The following NCDN variants were observed in gnomAD, a reference collection of about 807,000 sequenced individuals.
NCDN encodes neurochondrin, also known as norbin.
NCDN carries 9 observed loss-of-function variants against 60.7 expected under a neutral mutation model. The observed-to-expected ratio is 0.15, with a 90% confidence interval of 0.09 to 0.26. The LOEUF is 0.26. NCDN is among the 10% of genes least tolerant of loss of function. NCDN has a pLI of 1.00. For missense variants in NCDN, 578 were observed against 975.2 expected, an observed-to-expected ratio of 0.59 and a Z score of 5.42; for synonymous variants, 409 against 442.5, an observed-to-expected ratio of 0.92 and a Z score of 0.95.
In NCDN at chr1:35,565,521, T is replaced by C. The variant is rs1354811416; in HGVS notation, c.2048T>C (p.Met683Thr). 1 of 1,574,604 alleles carries C rather than the reference T, an allele frequency of 6.4e-7. No homozygotes were observed. The highest frequency in any genetic ancestry group is 1.9e-5 in the Admixed American group (1 of 53,212). Reference sequence around the variant, plus strand: ...AGCCCCAACTCTGTCAAGCCCGAGATGGTGGCCGCCTATCAGGGTGTCCTG... The same window carrying C: ...AGCCCCAACTCTGTCAAGCCCGAGACGGTGGCCGCCTATCAGGGTGTCCTG... ...SVSPNSVKPE[M>T]VAAYQGVLVE... Residue 683 changes from methionine (M) to threonine (T), a missense_variant, in exon 7 of 7, where the codon ATG becomes ACG. This residue lies in a region of NCDN where 191 missense variants were observed against 372.1 expected (regional missense o/e 0.51). Transcript: ENST00000373243. The surrounding 1 kb of genome is among the most constrained non-coding windows in gnomAD (Gnocchi z 8.9).
chr1:35,558,816 G>A lies in NCDN; in HGVS notation c.34-291G>A, dbSNP rs1648541068. 1.3e-6 allele frequency: 1 copy of A among 780,124 alleles called. No homozygotes were observed. Among genetic ancestry groups the A allele is most frequent in the South Asian group, 3.2e-5 (1 of 31,616 alleles). The allele number at this position is 780,124 out of a possible 1,614,324, so 48.3% of individuals were successfully genotyped here. ...GGGGCCAGCTCCCGCCCACCCCCAG[G>A]AGACTGGTGAGGAGAGCTGTCCGGC... On this transcript the variant is annotated intron_variant, in intron 1 of 6. Coordinates refer to ENST00000373243, the MANE Select transcript of NCDN (RefSeq NM_014284.3). This position sits in a 1 kb window ranked among gnomAD's most constrained non-coding sequence, Gnocchi z 6.3.
Position 35,562,355 on chromosome 1 carries a change from G to A in NCDN, c.1144-37G>A. The stretch of plus-strand genomic sequence containing the variant: ...CTCTGGCAAGGCAGGGAGGGTCCCT[G>A]GTCCTGCTCCATCTCAAGGGGGTCC... On this transcript the variant is annotated intron_variant, in intron 3 of 6. Transcript: ENST00000373243. The surrounding 1 kb of genome is among the most constrained non-coding windows in gnomAD (Gnocchi z 6.8). 6.2e-7 allele frequency: 1 copy of A among 1,603,220 alleles called. No homozygotes were observed. The highest frequency in any genetic ancestry group is 8.5e-7 in the Non-Finnish European group (1 of 1,172,850).
rs1648786691 is a variant in NCDN, at chr1:35,563,878, C to A, written c.1722C>A (p.Leu574=). 2 of 1,614,118 alleles carry A rather than the reference C, an allele frequency of 1.2e-6. No individual in the cohort carries two copies. The highest frequency in any genetic ancestry group is 4.5e-5 in the East Asian group (2 of 44,882). ...CTGCTAATGTGGCCACCCTGGGGCTCCTCATGGCCCGGCTCCTTAGCACCT... is the reference window on the plus strand; with the variant it reads ...CTGCTAATGTGGCCACCCTGGGGCTACTCATGGCCCGGCTCCTTAGCACCT... ...LLAANVATLG[L]LMARLLSTSP... The change falls in exon 6 of 7, where the codon CTC becomes CTA. Residue 574 remains leucine (L), a synonymous_variant. Coordinates refer to ENST00000373243, the MANE Select transcript of NCDN (RefSeq NM_014284.3). This position sits in a 1 kb window ranked among gnomAD's most constrained non-coding sequence, Gnocchi z 6.6.
chr1:35,560,550 T>C lies in NCDN; in HGVS notation c.399T>C (p.Leu133=). ...AAGTCCTGAACAAGATTCCCATTCT[T>C]AGCACCTTCCTCACAGCCCGGGGGG... is the stretch of plus-strand genomic sequence containing the variant. The part of the protein sequence containing the change: ...HPQVLNKIPI[L]STFLTARGDP... The change falls in exon 3 of 7, where the codon CTT becomes CTC. Residue 133 remains leucine (L), a synonymous_variant. Transcript: ENST00000373243. The surrounding 1 kb of genome is among the most constrained non-coding windows in gnomAD (Gnocchi z 7.6). The C allele has an allele frequency of 6.2e-7, 1 of 1,613,834 alleles. No homozygotes were observed. Among genetic ancestry groups the C allele is most frequent in the Non-Finnish European group, 8.5e-7 (1 of 1,180,042 alleles).
chr1:35,559,552 C>G (rs921752140), intron 2 of NCDN, among the ~76,000 whole-genome samples: 4 of 152,012 alleles, frequency 2.6e-5, no homozygotes, highest in Non-Finnish European at 5.9e-5. Flanking sequence ...GTGCAGAGTA[C>G]TTGAGGGCTG....
At position 35,558,858 on chromosome 1, in the gene NCDN, T is replaced by C. The variant is rs2148535707; in HGVS notation, c.34-249T>C. ...CTGTCCGGCTGAGCAGCAGCATGCA[T>C]GGTCCTTCTTTCCCGCTTTCTGGAG... On this transcript the variant is annotated intron_variant, in intron 1 of 6. Transcript: ENST00000373243. The surrounding 1 kb of genome is among the most constrained non-coding windows in gnomAD (Gnocchi z 6.3). Among the ~76,000 whole-genome samples, 1 of 152,244 alleles carries C rather than the reference T, an allele frequency of 6.6e-6. No individual in the cohort carries two copies. The highest frequency in any genetic ancestry group is 2.1e-4 in the South Asian group (1 of 4,830).
At chr1:35,559,730 T>G (rs556638765) in intron 2 of NCDN, among the ~76,000 whole-genome samples, 1 of 111,870 alleles carries the variant, frequency 8.9e-6, no homozygotes, top group Admixed American at 1.1e-4. Flanking sequence ...GAAGCTGCAG[T>G]GCTAGGAAGG....
chr1:35,566,394 C>T lies in NCDN; in HGVS notation c.*731C>T, dbSNP rs1359765909. The T allele has an allele frequency of 1.3e-5, 3 of 230,212 alleles. No homozygotes were observed. The highest frequency in any genetic ancestry group is 2.7e-5 in the Non-Finnish European group (3 of 113,006). The allele number at this position is 230,212 out of a possible 1,614,324, so 14.3% of individuals were successfully genotyped here. A position where few individuals can be genotyped will look rare whatever the true frequency, so the allele number is the denominator to read the frequency against. On this transcript the variant is annotated 3_prime_UTR_variant, in exon 7 of 7. Transcript: ENST00000373243. The surrounding 1 kb of genome is among the most constrained non-coding windows in gnomAD (Gnocchi z 5.3). ...TGGGGGGTTATTTATTTTGCCTGTC[C>T]TTATCCCTGCTTGGACACCTGAGCA...
At position 35,565,491 on chromosome 1, in the gene NCDN, G is replaced by A; in HGVS notation, c.2018G>A (p.Ser673Asn). ...CAGGAGCTGCTCCAGCTGCTAGGCAGTGTCAGCCCCAACTCTGTCAAGCCC... is the reference window on the plus strand; with the variant it reads ...CAGGAGCTGCTCCAGCTGCTAGGCAATGTCAGCCCCAACTCTGTCAAGCCC... ...WPQELLQLLG[S>N]VSPNSVKPEM... is the part of the protein sequence containing the mutation. The change falls in exon 7 of 7, where the codon AGT becomes AAT. Residue 673 changes from serine (S) to asparagine (N), a missense_variant. This residue lies in a region of NCDN where 191 missense variants were observed against 372.1 expected (regional missense o/e 0.51). Transcript: ENST00000373243. The surrounding 1 kb of genome is among the most constrained non-coding windows in gnomAD (Gnocchi z 8.9). 6.3e-7 allele frequency: 1 copy of A among 1,593,660 alleles called. No homozygotes were observed. Among genetic ancestry groups the A allele is most frequent in the Admixed American group, 1.8e-5 (1 of 56,002 alleles).
In NCDN at chr1:35,566,629, CCACACA is replaced by C. The variant is rs56974171; in HGVS notation, c.*1012_*1017del. The C allele has an allele frequency of 0.098, 26,294 of 269,142 alleles. 1,139 individuals are homozygous for C. Among genetic ancestry groups the C allele is most frequent in the East Asian group, 0.32 (3,077 of 9,576 alleles). The allele number at this position is 269,142 out of a possible 1,614,324, so 16.7% of individuals were successfully genotyped here. A position where few individuals can be genotyped will look rare whatever the true frequency, so the allele number is the denominator to read the frequency against. Reference sequence around the variant, plus strand: ...TACCTTTCTTATAAACCCAGGGGGACCACACACACACACACACACACACACACACAC... The same window carrying C: ...TACCTTTCTTATAAACCCAGGGGGACCACACACACACACACACACACACAC... On this transcript the variant is annotated 3_prime_UTR_variant, in exon 7 of 7. Coordinates refer to ENST00000373243, the MANE Select transcript of NCDN (RefSeq NM_014284.3). This position sits in a 1 kb window ranked among gnomAD's most constrained non-coding sequence, Gnocchi z 5.3.
In NCDN at chr1:35,558,131, G is replaced by A. The variant is rs953142736; in HGVS notation, c.-60G>A. On this transcript the variant is annotated 5_prime_UTR_variant, in exon 1 of 7. It adds an upstream start codon to the 5' untranslated region. Transcript: ENST00000373243. This position sits in a 1 kb window ranked among gnomAD's most constrained non-coding sequence, Gnocchi z 6.3. ...GTCGTGATTTTGACGTGATCTCTCC[G>A]TGACATCACCGCGCCATCGTGAAGT... The A allele has an allele frequency of 6.8e-6, 11 of 1,609,690 alleles. No homozygotes were observed. The highest frequency in any genetic ancestry group is 5.0e-5 in the Admixed American group (3 of 59,864).
Position 35,559,203 on chromosome 1 carries a change from C to T in NCDN, c.130C>T (p.Arg44Cys), listed in dbSNP as rs1474420854. The T allele has an allele frequency of 1.9e-6, 3 of 1,614,158 alleles. No homozygotes were observed. Among genetic ancestry groups the T allele is most frequent in the South Asian group, 1.1e-5 (1 of 91,084 alleles). The part of the protein sequence containing the change: ...PTLERYLGAL[R>C]EAKNDSEQFA... Reference sequence around the variant, plus strand: ...CCTGGAGCGCTACCTGGGAGCCCTCCGTGAGGCCAAGAATGACAGCGAGCA... The same window carrying T: ...CCTGGAGCGCTACCTGGGAGCCCTCTGTGAGGCCAAGAATGACAGCGAGCA... Residue 44 changes from arginine (R) to cysteine (C), a missense_variant, in exon 2 of 7, where the codon CGT (arginine) becomes TGT (cysteine). Physicochemically the swap from Arg to Cys is radical, Grantham distance 180. Transcript: ENST00000373243.
Position 35,563,657 on chromosome 1 carries a change from A to C in NCDN, c.1611-110A>C, listed in dbSNP as rs75396401. 3.0e-6 allele frequency: 4 copies of C among 1,324,048 alleles called. No individual in the cohort carries two copies. The highest frequency in any genetic ancestry group is 1.5e-5 in the African/African-American group (1 of 68,058). The allele number at this position is 1,324,048 out of a possible 1,614,324, so 82.0% of individuals were successfully genotyped here. ...TTCCAATCTCTGCCCCCCAGATGCT[A>C]TGTTTGGGGCCCAAAGTTAATCACC... On this transcript the variant is annotated intron_variant, in intron 5 of 6. Transcript: ENST00000373243. The surrounding 1 kb of genome is among the most constrained non-coding windows in gnomAD (Gnocchi z 6.6).
Position 35,563,081 on chromosome 1 carries a change from C to T in NCDN, c.1386-121C>T, listed in dbSNP as rs940293406. 4.3e-6 allele frequency: 4 copies of T among 940,414 alleles called. No homozygotes were observed. In the Admixed American group the frequency reaches 1.1e-4, roughly 27 times the overall value. 58.3% of individuals were successfully genotyped at this position (940,414 alleles called of 1,614,324 possible). A position where few individuals can be genotyped will look rare whatever the true frequency, so the allele number is the denominator to read the frequency against. On this transcript the variant is annotated intron_variant, in intron 4 of 6. Coordinates refer to ENST00000373243, the MANE Select transcript of NCDN (RefSeq NM_014284.3). The surrounding 1 kb of genome is among the most constrained non-coding windows in gnomAD (Gnocchi z 6.6). ...GAAGCTTGTACTTTTTCTGTGGTACCTGCGAGGATGTGTCCTTCTCCCCTA... is the reference window on the plus strand; with the variant it reads ...GAAGCTTGTACTTTTTCTGTGGTACTTGCGAGGATGTGTCCTTCTCCCCTA...
rs747840448 is a variant in NCDN at position 35,560,382 on chromosome 1, C to T, written c.231C>T (p.Phe77=). 9.3e-6 allele frequency: 15 copies of T among 1,613,936 alleles called. No individual in the cohort carries two copies. The highest frequency in any genetic ancestry group is 2.2e-5 in the East Asian group (1 of 44,888). Residue 77 remains phenylalanine, a synonymous_variant, in exon 3 of 7, where the codon TTC becomes TTT. Coordinates refer to ENST00000373243, the MANE Select transcript of NCDN (RefSeq NM_014284.3). This position sits in a 1 kb window ranked among gnomAD's most constrained non-coding sequence, Gnocchi z 7.6. ...DIDAKTRRRI[F]DAVGFTFPNR... is the part of the protein sequence containing the mutation. ...ATGCCAAAACTCGGCGGCGGATCTT[C>T]GATGCTGTCGGCTTCACCTTCCCCA...
Position 35,560,542 on chromosome 1 carries a change from C to A in NCDN, c.391C>A (p.Pro131Thr). Residue 131 changes from proline (P) to threonine (T), a missense_variant, in exon 3 of 7, where the codon CCC (proline) becomes ACC (threonine). By Grantham distance (38) the Pro-to-Thr change is conservative. This residue lies in a region of NCDN where 363 missense variants were observed against 583.6 expected (regional missense o/e 0.62). Coordinates refer to ENST00000373243, the MANE Select transcript of NCDN (RefSeq NM_014284.3). The surrounding 1 kb of genome is among the most constrained non-coding windows in gnomAD (Gnocchi z 7.6). ...AAHPQVLNKI[P>T]ILSTFLTARG... ...CCATCCCCAAGTCCTGAACAAGATT[C>A]CCATTCTTAGCACCTTCCTCACAGC... 1 of 1,613,878 alleles carries A rather than the reference C, an allele frequency of 6.2e-7. No individual in the cohort carries two copies. Among genetic ancestry groups the A allele is most frequent in the Non-Finnish European group, 8.5e-7 (1 of 1,180,046 alleles).
At position 35,557,873 on chromosome 1, in the gene NCDN, G is replaced by A; in HGVS notation, c.-318G>A. ...CTGGGAGAAGACTTCGCCGCTCGGGGCCGCAGCCTGGTGAGCTCAGCCCCC... is the reference window on the plus strand; with the variant it reads ...CTGGGAGAAGACTTCGCCGCTCGGGACCGCAGCCTGGTGAGCTCAGCCCCC... On this transcript the variant is annotated 5_prime_UTR_variant, in exon 1 of 7. Coordinates refer to ENST00000373243, the MANE Select transcript of NCDN (RefSeq NM_014284.3). The A allele has an allele frequency of 4.9e-6, 3 of 614,940 alleles. No homozygotes were observed. The highest frequency in any genetic ancestry group is 1.5e-5 in the South Asian group (1 of 65,034). 38.1% of individuals were successfully genotyped at this position (614,940 alleles called of 1,614,324 possible).
rs56974171 is a variant in NCDN, at chr1:35,566,629, C to CCACACACA, written c.*1010_*1017dup. On this transcript the variant is annotated 3_prime_UTR_variant, in exon 7 of 7. Coordinates refer to ENST00000373243, the MANE Select transcript of NCDN (RefSeq NM_014284.3). This position sits in a 1 kb window ranked among gnomAD's most constrained non-coding sequence, Gnocchi z 5.3. ...TACCTTTCTTATAAACCCAGGGGGA[C>CCACACACA]CACACACACACACACACACACACAC... 8.5e-3 allele frequency: 2,302 copies of CCACACACA among 270,332 alleles called. 15 individuals carry two copies. Among genetic ancestry groups the CCACACACA allele is most frequent in the African/African-American group, 0.011 (432 of 39,216 alleles). 16.7% of individuals were successfully genotyped at this position (270,332 alleles called of 1,614,324 possible). A position where few individuals can be genotyped will look rare whatever the true frequency, so the allele number is the denominator to read the frequency against.
Position 35,558,276 on chromosome 1 carries a change from C to T in NCDN, c.33+53C>T. On this transcript the variant is annotated intron_variant, in intron 1 of 6. Transcript: ENST00000373243. The surrounding 1 kb of genome is among the most constrained non-coding windows in gnomAD (Gnocchi z 6.3). ...CTTCTCATCTCCCCATCTCAGCAGC[C>T]CTGCTTCGATTATCCGGCTTTTGGA... 1.2e-6 allele frequency: 2 copies of T among 1,610,860 alleles called. No individual in the cohort carries two copies. Among genetic ancestry groups the T allele is most frequent in the Non-Finnish European group, 1.7e-6 (2 of 1,177,848 alleles).
Sources: gnomAD v4.1 joint callset for allele counts (sites outside exome capture counted in the v4.1 genomes callset) on GRCh38, gnomAD v4.1.1 for gene constraint, gnomAD v4.1.1 regional missense constraint, Gnocchi (gnomAD v3.1) non-coding constraint, MANE v1.5 for transcripts, NCBI Gene and HGNC (gene_info 2026-07-23, HGNC 2026-07-21) for gene names.